DDB2: variants seen among roughly 807,000 people sequenced by gnomAD.
DDB2 encodes the protein damage specific DNA binding protein 2.
A neutral mutation model predicts 50.5 loss-of-function variants in DDB2; 27 were observed. The ratio of observed to expected loss-of-function variants is 0.53; its 90% CI spans 0.39 to 0.74. The LOEUF (loss-of-function observed/expected upper bound fraction) is 0.74, where lower values mean the gene tolerates loss of function less well. Ranked by LOEUF, DDB2 falls within the 30% of genes least tolerant of loss-of-function variation. DDB2 has a pLI of 0.00. For synonymous variants in DDB2, 176 were observed against 205.5 expected, an observed-to-expected ratio of 0.86 and a Z score of 1.23; for missense variants, 424 against 545.6, an observed-to-expected ratio of 0.78 and a Z score of 2.22.
intron 4 of DDB2, among the ~76,000 whole-genome samples, chr11:47,233,691 A>G (rs926396130): frequency 7.1e-6 from 1 of 140,520 alleles, no homozygotes; most frequent in East Asian, 2.1e-4. Context: ...CCTGGGCAAC[A>G]AGAGCGAAAA....
chr11:47,216,351 G>A lies in DDB2; in HGVS notation c.143G>A (p.Cys48Tyr). Residue 48 changes from cysteine to tyrosine, a missense_variant, in exon 2 of 10, where the codon TGT (cysteine) becomes TAT (tyrosine). Physicochemically the swap from Cys to Tyr is radical, Grantham distance 194. Transcript: ENST00000256996. ...TGCTTGGCAGGTCCTAGCAGAAGAT[G>A]TGACTCAGACTGCCTCTGGGTGGGG... ...CAKGSGPSRR[C>Y]DSDCLWVGLA... 1 of 1,614,166 alleles carries A rather than the reference G, an allele frequency of 6.2e-7. No individual in the cohort carries two copies. Among genetic ancestry groups the A allele is most frequent in the Non-Finnish European group, 8.5e-7 (1 of 1,180,038 alleles).
Position 47,234,738 on chromosome 11 carries a change from A to C in DDB2, c.703-19A>C. On this transcript the variant is annotated intron_variant, in intron 5 of 9. Coordinates refer to ENST00000256996, the MANE Select transcript of DDB2 (RefSeq NM_000107.3). ...ACCTCGGTTCTGTGTCCCCACCTGA[A>C]CCGAGCTCTTCTCTGCAGCTTTGGA... The C allele has an allele frequency of 6.2e-7, 1 of 1,614,010 alleles. No individual in the cohort carries two copies. Among genetic ancestry groups the C allele is most frequent in the Non-Finnish European group, 8.5e-7 (1 of 1,179,956 alleles).
intron 3 of DDB2, among the ~76,000 whole-genome samples, chr11:47,229,633 G>C (rs1304978757): frequency 6.6e-6 from 1 of 152,086 alleles, no homozygotes; most frequent in African/African-American, 2.4e-5. Context: ...TATAAACATG[G>C]AAAGAGAGAA....
intron 3 of DDB2, chr11:47,220,294 T>A (rs963593447): frequency 6.6e-6 from 1 of 152,258 alleles, no homozygotes; most frequent in African/African-American, 2.4e-5. Flanking sequence ...TGACCGCTAA[T>A]AAGGCAGCTT....
rs369378109 is a variant in DDB2, at chr11:47,238,843, G to T, written c.1278G>T (p.Arg426=). ...GGAGCCAGGAGGAAGCCAGGACACG[G>T]AAGTGAGAGACACTAAAGAAGGTGT... ...LIWSQEEART[R]K is the part of the protein sequence containing the mutation. The change falls in exon 10 of 10, where the codon CGG becomes CGT. Residue 426 remains arginine, a synonymous_variant. Transcript: ENST00000256996. The T allele has an allele frequency of 2.9e-5, 46 of 1,613,432 alleles. No individual in the cohort carries two copies. Among genetic ancestry groups the T allele is most frequent in the Non-Finnish European group, 3.8e-5 (45 of 1,179,914 alleles).
intron 3 of DDB2, among the ~76,000 whole-genome samples, chr11:47,225,203 G>A (rs902865210): frequency 6.7e-6 from 1 of 149,766 alleles, no homozygotes; most frequent in African/African-American, 2.5e-5. Context: ...GCCTCCCAAA[G>A]TGCTGGGATT....
intron 3 of DDB2, among the ~76,000 whole-genome samples, chr11:47,223,596 C>T (rs890208599): frequency 6.6e-6 from 1 of 151,842 alleles, no homozygotes; most frequent in Non-Finnish European, 1.5e-5. Flanking sequence ...CTGGCTAACA[C>T]GGTGAAACCC....
At chr11:47,238,658 A>G (rs942920958) in intron 9 of DDB2, 142 bp from the exon 10 acceptor site, 1 of 816,418 alleles carries the variant, frequency 1.2e-6, no homozygotes, top group South Asian at 1.4e-5. Context: ...TCAGCCTCCC[A>G]AAGTGCTGGG....
intron 3 of DDB2, among the ~76,000 whole-genome samples, chr11:47,218,155 G>A (rs1171257260): frequency 6.6e-6 from 1 of 152,116 alleles, no homozygotes. Flanking sequence ...CTCCTCCACC[G>A]TCATTCCCTG....
intron 3 of DDB2, among the ~76,000 whole-genome samples, chr11:47,229,005 C>CTATCTATT (rs1953604777): frequency 6.7e-6 from 1 of 148,950 alleles, no homozygotes; most frequent in Admixed American, 6.7e-5. Flanking sequence ...ATCTATCTAT[C>CTATCTATT]TATCTATCTA....
At chr11:47,237,755 C>G in intron 7 of DDB2, 82 bp from the exon 8 acceptor site, 1 of 1,409,376 alleles carries the variant, frequency 7.1e-7, no homozygotes. Context: ...TTTTGATGTT[C>G]CTCTTTGTTC....
At chr11:47,223,031 T>A (rs1378399752) in intron 3 of DDB2, among the ~76,000 whole-genome samples, 5 of 152,240 alleles carry the variant, frequency 3.3e-5, no homozygotes, top group African/African-American at 1.2e-4. Flanking sequence ...TAGAAAAGTA[T>A]TTTGCCTTTA....
intron 3 of DDB2, among the ~76,000 whole-genome samples, chr11:47,219,516 A>T (rs1173305208): frequency 6.6e-6 from 1 of 152,064 alleles, no homozygotes; most frequent in Non-Finnish European, 1.5e-5. Flanking sequence ...ACGCACCACC[A>T]TGCCTGGCTA....
intron 9 of DDB2, 63 bp downstream of exon 9, chr11:47,238,246 G>A (rs575244209): frequency 1.6e-5 from 23 of 1,470,212 alleles, no homozygotes; most frequent in African/African-American, 2.8e-5. Flanking sequence ...GGTTCAGTGC[G>A]GGCCAGCCTC....
chr11:47,228,508 T>C (rs1369281015), intron 3 of DDB2, among the ~76,000 whole-genome samples: 1 of 150,742 alleles, frequency 6.6e-6, no homozygotes, highest in African/African-American at 2.4e-5. Flanking sequence ...CCAAGCATGG[T>C]AGCAGGTACC....
At chr11:47,238,328 T>C (rs1415902415) in intron 9 of DDB2, 145 bp downstream of exon 9, 1 of 758,310 alleles carries the variant, frequency 1.3e-6, no homozygotes, top group African/African-American at 1.7e-5. Flanking sequence ...GTGGTCTCTA[T>C]AGCCAAGGCC....
chr11:47,226,419 G>A (rs965637087), intron 3 of DDB2, among the ~76,000 whole-genome samples: 1 of 151,892 alleles, frequency 6.6e-6, no homozygotes, highest in African/African-American at 2.4e-5. Context: ...GATTATAGGC[G>A]CACACCACCA....
chr11:47,216,175 AT>A, intron 1 of DDB2, 160 bp from the exon 2 acceptor site: 6 of 1,064,562 alleles, frequency 5.6e-6, no homozygotes, highest in Non-Finnish European at 8.7e-6. Flanking sequence ...TCATTTTTTT[AT>A]TTCTGGTGCT....
In DDB2 at chr11:47,235,711, C is replaced by T. The variant is rs1953716300; in HGVS notation, c.1023+299C>T. 1.7e-5 allele frequency: 8 copies of T among 471,832 alleles called. No individual in the cohort carries two copies. The South Asian group carries it at 1.8e-4, about 10-fold the overall frequency. The allele number at this position is 471,832 out of a possible 1,614,324, so 29.2% of individuals were successfully genotyped here. A position where few individuals can be genotyped will look rare whatever the true frequency, so the allele number is the denominator to read the frequency against. On this transcript the variant is annotated intron_variant, in intron 7 of 9. Coordinates refer to ENST00000256996, the MANE Select transcript of DDB2 (RefSeq NM_000107.3). ...CTGACCCTCTGTTCTGTCTTCTCAG[C>T]TTCAGTTACCTGTGTACAGTTGACC...
Sources: gnomAD v4.1 joint callset for allele counts (sites outside exome capture counted in the v4.1 genomes callset) on GRCh38, gnomAD v4.1.1 for gene constraint, MANE v1.5 for transcripts, NCBI Gene and HGNC (gene_info 2026-07-23, HGNC 2026-07-21) for gene names.